PDE4D: variants seen among roughly 807,000 people sequenced by gnomAD.
PDE4D encodes the protein phosphodiesterase 4D.
Under a neutral mutation model 87.4 loss-of-function variants are expected in PDE4D, and 24 were observed. That is an observed-to-expected ratio of 0.27 (90% confidence interval 0.20 to 0.39). The LOEUF (loss-of-function observed/expected upper bound fraction) is 0.39. Among genes scored for constraint, PDE4D ranks in the 10% least tolerant of loss-of-function variants. The pLI is 1.00. For missense variants in PDE4D, 714 were observed against 1,041.0 expected (o/e 0.69, Z 4.32); for synonymous variants, 384 against 383.2 (o/e 1.00, Z -0.02).
intron 1 of PDE4D, among the ~76,000 whole-genome samples, chr5:59,387,833 G>T (rs1474388511): frequency 6.6e-6 from 1 of 151,946 alleles, no homozygotes; most frequent in East Asian, 1.9e-4. Context: ...CTATTTTCAA[G>T]TATGCAATGT....
chr5:59,608,979 A>T (rs893261772), intron 1 of PDE4D, among the ~76,000 whole-genome samples: 13 of 152,214 alleles, frequency 8.5e-5, no homozygotes, highest in Middle Eastern at 6.8e-3. Context: ...CATGGCAAGG[A>T]GTTGAGGCTT....
At chr5:60,490,656 G>A (rs1432662329), upstream of PDE4D, 1 of 152,142 alleles carries the variant, frequency 6.6e-6, no homozygotes, top group Non-Finnish European at 1.5e-5. Context: ...TATCTAAGAA[G>A]CTCATGGTAT....
intron 1 of PDE4D, among the ~76,000 whole-genome samples, chr5:59,607,085 C>T (rs756185430): frequency 2.6e-5 from 4 of 152,062 alleles, no homozygotes; most frequent in Admixed American, 1.3e-4. Context: ...ACTTTACTGA[C>T]GTTCTGCTTA....
chr5:59,397,992 A>C (rs970338654), intron 1 of PDE4D, among the ~76,000 whole-genome samples: 2 of 121,328 alleles, frequency 1.6e-5, no homozygotes, highest in African/African-American at 3.3e-5. Context: ...AGAAATGGAT[A>C]AATTCCTTGA....
chr5:60,251,627 G>A (rs931013674), intron 1 of PDE4D, among the ~76,000 whole-genome samples: 6 of 151,762 alleles, frequency 4.0e-5, no homozygotes, highest in Non-Finnish European at 8.8e-5. Flanking sequence ...GGGCATTTAG[G>A]TTGATTCCAT....
At chr5:60,116,970 C>T (rs1487089984) in intron 2 of PDE4D, among the ~76,000 whole-genome samples, 1 of 151,726 alleles carries the variant, frequency 6.6e-6, no homozygotes. Context: ...CTAATGTTAG[C>T]TATACTTAGA....
intron 1 of PDE4D, among the ~76,000 whole-genome samples, chr5:60,248,656 T>G (rs1748068165): frequency 6.6e-6 from 1 of 152,028 alleles, no homozygotes; most frequent in Non-Finnish European, 1.5e-5. Context: ...TCTCTTATCT[T>G]TCTTTTTAAA....
At chr5:59,688,766 A>G (rs553663693) in intron 1 of PDE4D, among the ~76,000 whole-genome samples, 2 of 152,326 alleles carry the variant, frequency 1.3e-5, no homozygotes, top group African/African-American at 4.8e-5. Flanking sequence ...CCTTCAAAAA[A>G]TCAATGAATC....
chr5:59,509,818 TATTATA>T (rs1366226137), intron 1 of PDE4D, among the ~76,000 whole-genome samples: 2 of 148,264 alleles, frequency 1.3e-5, no homozygotes, highest in African/African-American at 2.4e-5. Context: ...TATTTTTGAA[TATTATA>T]ATTATATTAT....
chr5:59,268,047 A>G (rs1763143120), intron 1 of PDE4D, among the ~76,000 whole-genome samples: 1 of 151,894 alleles, frequency 6.6e-6, no homozygotes, highest in African/African-American at 2.4e-5. Context: ...ACTGGGCTGG[A>G]ATTCTTCCAT....
chr5:59,818,821 A>G (rs759498900), intron 1 of PDE4D, among the ~76,000 whole-genome samples: 2 of 152,054 alleles, frequency 1.3e-5, no homozygotes, highest in Non-Finnish European at 2.9e-5. Flanking sequence ...TATCAGGATG[A>G]AGAATTTTCC....
intron 1 of PDE4D, among the ~76,000 whole-genome samples, chr5:60,352,909 C>T (rs1394602671): frequency 1.3e-5 from 2 of 152,152 alleles, no homozygotes; most frequent in African/African-American, 4.8e-5. Context: ...TAACATAATG[C>T]TCAATGACTT....
chr5:59,454,462 C>T (rs1160599035), intron 1 of PDE4D, among the ~76,000 whole-genome samples: 1 of 152,208 alleles, frequency 6.6e-6, no homozygotes, highest in Non-Finnish European at 1.5e-5. Context: ...TAAGACGTGA[C>T]TTGCTCCTCC....
intron 3 of PDE4D, among the ~76,000 whole-genome samples, chr5:59,983,660 A>G (rs1762136923): frequency 6.6e-6 from 1 of 152,340 alleles, no homozygotes; most frequent in Admixed American, 6.5e-5. Context: ...GTAGTATACC[A>G]CTACACATTC....
At position 60,277,025 on chromosome 5, in the gene PDE4D, T is replaced by C. The variant is rs114264969; in HGVS notation, c.-89-91338A>G. On this transcript the variant is annotated intron_variant, in intron 1 of 16. Coordinates refer to the PDE4D transcript ENST00000502484. ...CTTTGTTTTTTGCTTTGTTTTGCTT[T>C]AAGTTTCTTCTGTTTGTTTTTTCCT... Among the ~76,000 whole-genome samples, 1,441 of 152,140 alleles carry C rather than the reference T, an allele frequency of 9.5e-3. 26 individuals carry two copies. Among genetic ancestry groups the C allele is most frequent in the African/African-American group, 0.032 (1,340 of 41,534 alleles).
At chr5:59,419,470 T>C (rs1487091874) in intron 1 of PDE4D, among the ~76,000 whole-genome samples, 13 of 152,236 alleles carry the variant, frequency 8.5e-5, no homozygotes, top group African/African-American at 3.1e-4. Context: ...TTATTTATGT[T>C]TAGCACTTAT....
intron 1 of PDE4D, among the ~76,000 whole-genome samples, chr5:59,280,878 A>G (rs1336633693): frequency 1.4e-5 from 2 of 142,540 alleles, no homozygotes; most frequent in Non-Finnish European, 3.1e-5. Context: ...GGGTATCTCT[A>G]TTTTTCTAGA....
intron 5 of PDE4D, among the ~76,000 whole-genome samples, chr5:59,164,704 T>A (rs1781640758): frequency 6.6e-6 from 1 of 152,188 alleles, no homozygotes; most frequent in African/African-American, 2.4e-5. Context: ...CTATACTTTG[T>A]TCTGAGTCAA....
At chr5:59,402,895 A>T (rs1046707628) in intron 1 of PDE4D, among the ~76,000 whole-genome samples, 1 of 152,162 alleles carries the variant, frequency 6.6e-6, no homozygotes, top group African/African-American at 2.4e-5. Context: ...TTACAGTTAT[A>T]TAACAATTAT....
Sources: allele counts gnomAD v4.1 joint callset (sites outside exome capture counted in the v4.1 genomes callset), GRCh38; gene constraint gnomAD v4.1.1; transcripts MANE v1.5; gene names NCBI Gene and HGNC (gene_info 2026-07-23, HGNC 2026-07-21).